RAPGEF2: variants seen among roughly 807,000 people sequenced by gnomAD.
The protein encoded by RAPGEF2 is PDZ domain containing guanine nucleotide exchange factor (GEF) 1.
A neutral mutation model predicts 186.7 loss-of-function variants in RAPGEF2; 54 were observed. That is an observed-to-expected ratio of 0.29 (90% confidence interval 0.23 to 0.36). RAPGEF2 has a LOEUF of 0.36. Among genes scored for constraint, RAPGEF2 ranks in the 10% least tolerant of loss-of-function variants. RAPGEF2 has a pLI of 1.00. For missense variants in RAPGEF2, 1,532 were observed against 2,045.0 expected, an observed-to-expected ratio of 0.75 and a Z score of 4.84; for synonymous variants, 712 against 705.9, an observed-to-expected ratio of 1.01 and a Z score of -0.14.
At chr4:159,338,110 CA>C (rs1214569736) in intron 17 of RAPGEF2, among the ~76,000 whole-genome samples, 200 bp from the exon 18 acceptor site, 1 of 146,702 alleles carries the variant, frequency 6.8e-6, no homozygotes, top group Non-Finnish European at 1.5e-5. Context: ...CAAACAAAAA[CA>C]AAAAACAAAA....
intron 7 of RAPGEF2, among the ~76,000 whole-genome samples, chr4:159,257,351 T>A (rs1756299635): frequency 6.6e-6 from 1 of 152,164 alleles, no homozygotes; most frequent in Non-Finnish European, 1.5e-5. Flanking sequence ...AGTCACATCT[T>A]ACGTGGATAG....
intron 7 of RAPGEF2, chr4:159,267,977 C>G (rs1164234145): frequency 7.1e-7 from 1 of 1,402,908 alleles, no homozygotes; most frequent in African/African-American, 1.5e-5. Flanking sequence ...CTTTTCTGGT[C>G]TACAAGTGTG....
chr4:159,107,240 G>A (rs1737983098), intron 1 of RAPGEF2, among the ~76,000 whole-genome samples: 1 of 152,150 alleles, frequency 6.6e-6, no homozygotes, highest in Admixed American at 6.5e-5. Flanking sequence ...GGACTCTTAA[G>A]TAATTGCTTT....
intron 4 of RAPGEF2, among the ~76,000 whole-genome samples, chr4:159,234,549 A>ATTTT (rs10588096): frequency 1.8e-5 from 2 of 108,172 alleles, no homozygotes; most frequent in African/African-American, 4.0e-5. Flanking sequence ...TGCCCGGCTA[A>ATTTT]TTTTTTTTTT....
chr4:159,269,290 A>G (rs1318850632), intron 7 of RAPGEF2, among the ~76,000 whole-genome samples: 3 of 152,158 alleles, frequency 2.0e-5, no homozygotes, highest in Non-Finnish European at 4.4e-5. Flanking sequence ...GCACTGTCTC[A>G]CCTCAGGAAT....
intron 1 of RAPGEF2, among the ~76,000 whole-genome samples, chr4:159,107,173 T>G (rs967993435): frequency 1.3e-5 from 2 of 152,268 alleles, no homozygotes; most frequent in South Asian, 4.1e-4. Context: ...TCCTTGAAAA[T>G]AATGAGCCCT....
At chr4:159,244,829 T>G (rs1384682009) in intron 7 of RAPGEF2, among the ~76,000 whole-genome samples, 1 of 151,978 alleles carries the variant, frequency 6.6e-6, no homozygotes, top group African/African-American at 2.4e-5. Context: ...GTGTCATGAT[T>G]GCTATATTGG....
intron 19 of RAPGEF2, among the ~76,000 whole-genome samples, chr4:159,340,802 C>CACACACACACGT (rs1303814425): frequency 6.6e-6 from 1 of 151,882 alleles, no homozygotes; most frequent in Admixed American, 6.6e-5. Context: ...CACACACACA[C>CACACACACACGT]ACACACACAC....
chr4:159,289,826 C>T (rs965165762), intron 7 of RAPGEF2, among the ~76,000 whole-genome samples: 8 of 151,934 alleles, frequency 5.3e-5, no homozygotes, highest in East Asian at 1.9e-4. Context: ...GTGTTCTTCC[C>T]GGAAGAGGGA....
intron 6 of RAPGEF2, among the ~76,000 whole-genome samples, chr4:159,241,670 A>G (rs1172729318): frequency 6.6e-6 from 1 of 151,780 alleles, no homozygotes; most frequent in Non-Finnish European, 1.5e-5. Context: ...TAGCTCCTTT[A>G]TTTCTTAAGT....
At chr4:159,134,792 T>G (rs899712258) in intron 1 of RAPGEF2, among the ~76,000 whole-genome samples, 1 of 152,216 alleles carries the variant, frequency 6.6e-6, no homozygotes, top group East Asian at 1.9e-4. Context: ...TTCCTAGATA[T>G]ATGCAGCCAT....
chr4:159,344,277 T>TG (rs1269227387), intron 23 of RAPGEF2, among the ~76,000 whole-genome samples: 1 of 152,194 alleles, frequency 6.6e-6, no homozygotes, highest in Non-Finnish European at 1.5e-5. Context: ...AAATGATTGA[T>TG]GATTGTTCTG....
Position 159,356,036 on chromosome 4 carries a change from A to G in RAPGEF2, c.4835A>G (p.Gln1612Arg). The change falls in exon 29 of 30, where the codon CAG (glutamine) becomes CGG (arginine). Residue 1612 changes from glutamine to arginine, a missense_variant. Transcript: ENST00000691494. ...GACACAGCTGGGCCTTCATCCGTAC[A>G]GCAGCCACATGGGCATCCCACCAGC... ...SSDTAGPSSV[Q>R]QPHGHPTSSR... The G allele has an allele frequency of 1.2e-6, 2 of 1,614,152 alleles. No individual in the cohort carries two copies. Among genetic ancestry groups the G allele is most frequent in the Non-Finnish European group, 1.7e-6 (2 of 1,180,028 alleles).
At chr4:159,250,247 G>C (rs1755147722) in intron 7 of RAPGEF2, among the ~76,000 whole-genome samples, 1 of 152,066 alleles carries the variant, frequency 6.6e-6, no homozygotes, top group Non-Finnish European at 1.5e-5. Context: ...GGTGCACCAG[G>C]ATCTCACAAA....
intron 1 of RAPGEF2, among the ~76,000 whole-genome samples, chr4:159,117,425 A>G (rs754329869): frequency 1.4e-4 from 22 of 152,226 alleles, no homozygotes; most frequent in Non-Finnish European, 3.2e-4. Flanking sequence ...CTGAGACTTA[A>G]GTTGGAATGG....
intron 7 of RAPGEF2, among the ~76,000 whole-genome samples, chr4:159,286,746 G>T (rs1305728312): frequency 6.6e-6 from 1 of 152,124 alleles, no homozygotes; most frequent in Admixed American, 6.6e-5. Context: ...TGCTTACCTG[G>T]CTGGCTTCAT....
chr4:159,182,384 TTC>T lies in RAPGEF2; in HGVS notation c.70-4256_70-4255del, dbSNP rs1474388164. Among the ~76,000 whole-genome samples the T allele has an allele frequency of 4.2e-3, 574 of 137,326 alleles. 2 individuals carry two copies. Among genetic ancestry groups the T allele is most frequent in the African/African-American group, 0.015 (538 of 35,056 alleles). The allele number at this position is 137,326 out of a possible 152,430, so 90.1% of individuals were successfully genotyped here. On this transcript the variant is annotated intron_variant, in intron 1 of 29. Transcript: ENST00000691494. ...AAAAGCTTCCTAGTATTTTCTTTTC[TTC>T]TTTTTTTTTTTTTTTTTTTTTTTTT...
At chr4:159,273,413 A>G (rs1758360628) in intron 7 of RAPGEF2, among the ~76,000 whole-genome samples, 2 of 152,220 alleles carry the variant, frequency 1.3e-5, no homozygotes, top group South Asian at 2.1e-4. Flanking sequence ...GTAAAGTAAG[A>G]TCTTTGCTTT....
chr4:159,229,993 A>G (rs1205612601), intron 4 of RAPGEF2, among the ~76,000 whole-genome samples: 5 of 152,182 alleles, frequency 3.3e-5, no homozygotes. Context: ...TGGTTGTTTA[A>G]TATCAGATTT....
Sources: gnomAD v4.1 joint callset for allele counts (sites outside exome capture counted in the v4.1 genomes callset) on GRCh38, gnomAD v4.1.1 for gene constraint, MANE v1.5 for transcripts, NCBI Gene and HGNC (gene_info 2026-07-23, HGNC 2026-07-21) for gene names.